The following B3GALT1 variants were observed in gnomAD, a reference collection of about 807,000 sequenced individuals.
B3GALT1 encodes beta-1,3-galactosyltransferase 1.
B3GALT1 carries 10 observed loss-of-function variants against 23.2 expected under a neutral mutation model. The observed-to-expected ratio is 0.43, with a 90% CI of 0.27 to 0.73. The LOEUF is 0.73. Ranked by LOEUF, B3GALT1 falls within the 30% of genes least tolerant of loss-of-function variation. The pLI, the probability that B3GALT1 is intolerant of heterozygous loss-of-function variation, is 0.21. For missense variants in B3GALT1, 299 were observed against 405.4 expected (o/e 0.74, Z 2.25); for synonymous variants, 156 against 141.5 (o/e 1.10, Z -0.73).
At chr2:167,435,761 A>G (rs1032286266) in intron 1 of B3GALT1, among the ~76,000 whole-genome samples, 12 of 152,076 alleles carry the variant, frequency 7.9e-5, no homozygotes, top group East Asian at 1.9e-4. Flanking sequence ...GTGATTAAGG[A>G]ATGTTGCCTG....
At chr2:167,298,310 A>C (rs993203482) in intron 1 of B3GALT1, among the ~76,000 whole-genome samples, 1 of 152,134 alleles carries the variant, frequency 6.6e-6, no homozygotes, top group Non-Finnish European at 1.5e-5. Flanking sequence ...TTAACGATGA[A>C]GTATATAAGT....
rs1395054072 is a variant in B3GALT1, at chr2:167,418,735, G to A, written c.-510-71442G>A. Reference sequence around the variant, plus strand: ...TCTTGTCGCCCAGGCTGGGGTTTCAGCATGTTGGCCAGGCTGGTCTCGAAC... The same window carrying A: ...TCTTGTCGCCCAGGCTGGGGTTTCAACATGTTGGCCAGGCTGGTCTCGAAC... On this transcript the variant is annotated intron_variant, in intron 1 of 4. Coordinates refer to ENST00000392690, the MANE Select transcript of B3GALT1 (RefSeq NM_020981.4). Among the ~76,000 whole-genome samples the A allele has an allele frequency of 2.7e-5, 4 of 149,328 alleles. No homozygotes were observed. The South Asian group carries it at 6.3e-4, about 23-fold the overall frequency.
intron 1 of B3GALT1, among the ~76,000 whole-genome samples, chr2:167,368,645 T>C (rs1018795360): frequency 6.6e-6 from 1 of 152,212 alleles, no homozygotes; most frequent in Non-Finnish European, 1.5e-5. Context: ...TTAAGCAGAT[T>C]ACAGAGAGGA....
At chr2:167,461,667 A>G (rs971014390) in intron 1 of B3GALT1, among the ~76,000 whole-genome samples, 1 of 152,202 alleles carries the variant, frequency 6.6e-6, no homozygotes, top group Non-Finnish European at 1.5e-5. Flanking sequence ...AGTCAAATGA[A>G]GTTGTAAAAT....
intron 2 of B3GALT1, among the ~76,000 whole-genome samples, chr2:167,493,160 C>G (rs1302884748): frequency 6.6e-6 from 1 of 152,056 alleles, no homozygotes; most frequent in African/African-American, 2.4e-5. Context: ...TTTGGCCATG[C>G]AGATATAGTC....
chr2:167,477,002 G>C (rs1699496785), intron 1 of B3GALT1, among the ~76,000 whole-genome samples: 1 of 152,180 alleles, frequency 6.6e-6, no homozygotes, highest in East Asian at 1.9e-4. Context: ...CAAAGTGTTT[G>C]ATCATATCCA....
chr2:167,804,368 G>A (rs1192169278), intron 3 of B3GALT1, among the ~76,000 whole-genome samples: 1 of 150,696 alleles, frequency 6.6e-6, no homozygotes, highest in Non-Finnish European at 1.5e-5. Flanking sequence ...GGGTACATGT[G>A]CACAATGTGC....
intron 1 of B3GALT1, among the ~76,000 whole-genome samples, chr2:167,448,882 T>C (rs552619470): frequency 6.6e-6 from 1 of 152,272 alleles, no homozygotes; most frequent in South Asian, 2.1e-4. Flanking sequence ...TTGTTTTTGT[T>C]GGCTTTTTCT....
At chr2:167,867,134 G>C (rs191385403) in intron 4 of B3GALT1, among the ~76,000 whole-genome samples, 23 of 152,206 alleles carry the variant, frequency 1.5e-4, no homozygotes, top group African/African-American at 5.3e-4. Flanking sequence ...CACCGTTTTA[G>C]CCAGGATGGT....
intron 3 of B3GALT1, among the ~76,000 whole-genome samples, chr2:167,791,681 A>G (rs956407813): frequency 3.3e-5 from 5 of 152,228 alleles, no homozygotes; most frequent in Admixed American, 3.3e-4. Flanking sequence ...AGAAAACTAT[A>G]AATTATTTCC....
chr2:167,437,170 A>G (rs1438880249), intron 1 of B3GALT1, among the ~76,000 whole-genome samples: 1 of 152,122 alleles, frequency 6.6e-6, no homozygotes, highest in East Asian at 1.9e-4. Flanking sequence ...TTCTGGAAAT[A>G]CTGTCCCTAA....
chr2:167,532,858 T>C (rs1683352455), intron 2 of B3GALT1, among the ~76,000 whole-genome samples: 2 of 147,086 alleles, frequency 1.4e-5, no homozygotes, highest in South Asian at 4.3e-4. Flanking sequence ...CTGCATCTTT[T>C]TTTTTTTTTT....
chr2:167,810,528 G>A (rs1688865508), intron 3 of B3GALT1, among the ~76,000 whole-genome samples: 1 of 150,966 alleles, frequency 6.6e-6, no homozygotes. Context: ...TCATATCTTT[G>A]GGGTTACTGT....
At chr2:167,707,696 A>C (rs1013346219) in intron 3 of B3GALT1, among the ~76,000 whole-genome samples, 2 of 151,966 alleles carry the variant, frequency 1.3e-5, no homozygotes, top group Non-Finnish European at 2.9e-5. Flanking sequence ...CTTCTCTTTA[A>C]GGTCAGCTGA....
Position 167,869,386 on chromosome 2 carries a change from T to G in B3GALT1, c.347T>G (p.Phe116Cys). 1 of 1,614,050 alleles carries G rather than the reference T, an allele frequency of 6.2e-7. No individual in the cohort carries two copies. Among genetic ancestry groups the G allele is most frequent in the Non-Finnish European group, 8.5e-7 (1 of 1,180,014 alleles). The change falls in exon 5 of 5, where the codon TTC becomes TGC. Residue 116 changes from phenylalanine to cysteine, a missense_variant. By Grantham distance (205) the Phe-to-Cys change is radical (BLOSUM62 -2). This residue lies in a region of B3GALT1 where 162 missense variants were observed against 184.1 expected (regional missense o/e 0.88). Transcript: ENST00000392690. The surrounding 1 kb of genome is among the most constrained non-coding windows in gnomAD (Gnocchi z 6.4). ...AAGGGGATCAAGATAGCCACCCTGT[T>G]CCTCCTGGGCAAGAATGCTGATCCT... is the stretch of plus-strand genomic sequence containing the variant. ...NFKGIKIATLFLLGKNADPVL... is the reference protein window; with the variant it reads ...NFKGIKIATLCLLGKNADPVL...
At chr2:167,546,268 A>G (rs1443532569) in intron 2 of B3GALT1, among the ~76,000 whole-genome samples, 1 of 152,130 alleles carries the variant, frequency 6.6e-6, no homozygotes, top group African/African-American at 2.4e-5. Flanking sequence ...ATATGACATA[A>G]CTCAGAGAAT....
chr2:167,360,235 G>A (rs978515024), intron 1 of B3GALT1, among the ~76,000 whole-genome samples: 64 of 152,172 alleles, frequency 4.2e-4, no homozygotes, highest in African/African-American at 1.4e-3. Context: ...GAATCTGTAG[G>A]TTAGGAACTG....
chr2:167,293,978 C>T (rs1414512689), intron 1 of B3GALT1, among the ~76,000 whole-genome samples: 7 of 152,018 alleles, frequency 4.6e-5, no homozygotes, highest in Admixed American at 4.6e-4. Context: ...GGAGTGGCGA[C>T]TTTTAGGTGT....
intron 1 of B3GALT1, among the ~76,000 whole-genome samples, chr2:167,438,482 T>G (rs899373288): frequency 2.0e-5 from 3 of 152,224 alleles, no homozygotes; most frequent in African/African-American, 7.2e-5. Context: ...GAGAATTACT[T>G]AATGTCTTAT....
Sources: gnomAD v4.1 joint callset for allele counts (sites outside exome capture counted in the v4.1 genomes callset) on GRCh38, gnomAD v4.1.1 for gene constraint, gnomAD v4.1.1 regional missense constraint, Gnocchi (gnomAD v3.1) non-coding constraint, MANE v1.5 for transcripts, NCBI Gene and HGNC (gene_info 2026-07-23, HGNC 2026-07-21) for gene names.